PATJ: variants seen among roughly 807,000 people sequenced by gnomAD.
PATJ encodes inaD-like protein.
Under a neutral mutation model 224.9 loss-of-function variants are expected in PATJ, and 190 were observed. That is an observed-to-expected ratio of 0.84 (90% CI 0.75 to 0.95). The LOEUF is 0.95. PATJ is among the 40% of genes least tolerant of loss of function. PATJ has a pLI of 0.00. For missense variants in PATJ, 2,121 were observed against 2,270.3 expected (o/e 0.93, Z 1.34); for synonymous variants, 769 against 820.3 (o/e 0.94, Z 1.07).
intron 30 of PATJ, chr1:62,038,819 G>T: frequency 1.5e-6 from 1 of 675,228 alleles, no homozygotes; most frequent in Non-Finnish European, 2.8e-6. Flanking sequence ...CAGGGTTCTG[G>T]GCCGGGGTGG....
chr1:61,877,830 AT>A (rs977477722), intron 21 of PATJ, among the ~76,000 whole-genome samples: 4 of 152,064 alleles, frequency 2.6e-5, no homozygotes, highest in African/African-American at 7.2e-5. Context: ...TTTTTTAAAA[AT>A]CTCCCTGTTT....
At chr1:62,004,549 GAT>G (rs1645977353) in intron 28 of PATJ, among the ~76,000 whole-genome samples, 1 of 152,048 alleles carries the variant, frequency 6.6e-6, no homozygotes, top group Admixed American at 6.6e-5. Flanking sequence ...TAAACTGAAA[GAT>G]ATTTTGGCTA....
chr1:61,867,604 C>T (rs962289246), intron 20 of PATJ, among the ~76,000 whole-genome samples: 35 of 144,496 alleles, frequency 2.4e-4, no homozygotes, highest in African/African-American at 5.5e-4. Flanking sequence ...CCAATTCTCA[C>T]GTAGGCTGTA....
At chr1:61,845,896 G>A (rs1393411664) in intron 17 of PATJ, among the ~76,000 whole-genome samples, 1 of 152,164 alleles carries the variant, frequency 6.6e-6, no homozygotes, top group Non-Finnish European at 1.5e-5. Context: ...AGAGGTTATA[G>A]ATCTGCATAT....
In PATJ at chr1:62,162,118, GAAC is replaced by G. The variant is rs1669881646; in HGVS notation, c.*1068_*1070del. 6.6e-6 allele frequency: 1 copy of G among 152,138 alleles called. No individual in the cohort carries two copies. Among genetic ancestry groups the G allele is most frequent in the Admixed American group, 6.5e-5 (1 of 15,276 alleles). The allele number at this position is 152,138 out of a possible 1,614,324, so 9.4% of individuals were successfully genotyped here. A position where few individuals can be genotyped will look rare whatever the true frequency, so the allele number is the denominator to read the frequency against. ...AGCAAATGAACCTTATTCTCAGCAG[GAAC>G]AACTAGCATACATGTTCTGAATTCT... On this transcript the variant is annotated 3_prime_UTR_variant, in exon 44 of 44. Coordinates refer to ENST00000642238, the MANE Select transcript of PATJ (RefSeq NM_001350145.3).
At chr1:61,863,572 C>T (rs1664964962) in intron 19 of PATJ, among the ~76,000 whole-genome samples, 2 of 152,154 alleles carry the variant, frequency 1.3e-5, no homozygotes, top group African/African-American at 4.8e-5. Context: ...TAGCCAGGAA[C>T]CCACACAGTT....
At chr1:62,098,153 A>G (rs1361189661) in intron 33 of PATJ, among the ~76,000 whole-genome samples, 1 of 151,996 alleles carries the variant, frequency 6.6e-6, no homozygotes, top group African/African-American at 2.4e-5. Context: ...AGGTCAGGAG[A>G]TAGAGACCAT....
chr1:62,009,593 G>A (rs1160353785), intron 28 of PATJ, among the ~76,000 whole-genome samples: 2 of 151,940 alleles, frequency 1.3e-5, no homozygotes, highest in Non-Finnish European at 2.9e-5. Context: ...AATGACATTC[G>A]CCACATCGAT....
intron 14 of PATJ, among the ~76,000 whole-genome samples, chr1:61,820,456 C>T (rs1446616726): frequency 2.0e-5 from 3 of 152,282 alleles, no homozygotes; most frequent in Admixed American, 2.0e-4. Flanking sequence ...GATTCTCCTG[C>T]CTCAGCCTCC....
chr1:61,944,869 G>A (rs11800739), intron 27 of PATJ, among the ~76,000 whole-genome samples: 3,507 of 152,324 alleles, frequency 0.023, 127 homozygotes, highest in African/African-American at 0.08. Context: ...CAGACTAACA[G>A]CGGATCTCTC....
chr1:61,917,561 G>T (rs1415706948), intron 26 of PATJ, among the ~76,000 whole-genome samples: 1 of 152,028 alleles, frequency 6.6e-6, no homozygotes, highest in East Asian at 1.9e-4. Context: ...TGAATTACTG[G>T]AATGCAATTT....
intron 14 of PATJ, among the ~76,000 whole-genome samples, chr1:61,818,956 A>G (rs1656721098): frequency 6.6e-6 from 1 of 152,208 alleles, no homozygotes; most frequent in Admixed American, 6.5e-5. Flanking sequence ...GTAAGTAGCA[A>G]AGATCTCTGT....
chr1:61,977,412 A>C (rs1319394859), intron 27 of PATJ, among the ~76,000 whole-genome samples: 1 of 152,086 alleles, frequency 6.6e-6, no homozygotes, highest in African/African-American at 2.4e-5. Context: ...TTTTTGGATT[A>C]GTGGGTAGGT....
chr1:62,099,529 AT>A (rs919652507), intron 33 of PATJ, among the ~76,000 whole-genome samples: 1 of 151,522 alleles, frequency 6.6e-6, no homozygotes, highest in Non-Finnish European at 1.5e-5. Context: ...GTCCCTTAGG[AT>A]TTTTTTTGTA....
At chr1:61,795,886 ATAAT>A (rs1471018721) in intron 10 of PATJ, among the ~76,000 whole-genome samples, 1 of 152,190 alleles carries the variant, frequency 6.6e-6, no homozygotes, top group East Asian at 1.9e-4. Flanking sequence ...CATTTTATCT[ATAAT>A]TAATAGGCCA....
At chr1:62,114,309 C>A in intron 35 of PATJ, 63 bp downstream of exon 35, 1 of 1,387,818 alleles carries the variant, frequency 7.2e-7, no homozygotes, top group Non-Finnish European at 1.0e-6. Flanking sequence ...TGCCTGTGAA[C>A]ACTGAAAGAG....
At position 61,766,350 on chromosome 1, in the gene PATJ, T is replaced by C. The variant is rs1300165639; in HGVS notation, c.261T>C (p.Asp87=). 3 of 1,610,110 alleles carry C rather than the reference T, an allele frequency of 1.9e-6. No homozygotes were observed. The highest frequency in any genetic ancestry group is 1.3e-5 in the African/African-American group (1 of 74,836). ...GGAAAGGTTTGTTAGTGTTCACAGA[T>C]GGTTCCATCACTAATGGAAATGTCC... ...FSRKGLLVFT[D]GSITNGNVHR... Residue 87 remains aspartate, a synonymous_variant, in exon 4 of 44, where the codon GAT becomes GAC. Transcript: ENST00000642238.
intron 28 of PATJ, among the ~76,000 whole-genome samples, chr1:62,013,742 G>A (rs1338674482): frequency 6.6e-6 from 1 of 152,192 alleles, no homozygotes; most frequent in African/African-American, 2.4e-5. Flanking sequence ...ATGCTTAACT[G>A]AATGCCAGGC....
intron 33 of PATJ, among the ~76,000 whole-genome samples, chr1:62,088,849 T>C (rs920297351): frequency 6.8e-6 from 1 of 147,496 alleles, no homozygotes; most frequent in Admixed American, 6.8e-5. Flanking sequence ...ATAGAACATA[T>C]ATATATAGAA....
Sources: allele counts gnomAD v4.1 joint callset (sites outside exome capture counted in the v4.1 genomes callset), GRCh38; gene constraint gnomAD v4.1.1; transcripts MANE v1.5; gene names NCBI Gene and HGNC (gene_info 2026-07-23, HGNC 2026-07-21).